The following MYH6 variants were observed in gnomAD, a reference collection of about 807,000 sequenced individuals.
MYH6 encodes myosin-6.
Under a neutral mutation model 223.2 loss-of-function variants are expected in MYH6, and 126 were observed. The observed-to-expected ratio is 0.56, with a 90% confidence interval of 0.49 to 0.65. The LOEUF (loss-of-function observed/expected upper bound fraction) is 0.65. Ranked by LOEUF, MYH6 falls within the 30% of genes least tolerant of loss-of-function variation. The pLI is 0.00. For synonymous variants in MYH6, 978 were observed against 1,010.2 expected (o/e 0.97, Z 0.61); for missense variants, 2,040 against 2,536.4 (o/e 0.80, Z 4.20).
chr14:23,392,600 G>A lies in MYH6; in HGVS notation c.3304C>T (p.Leu1102=), dbSNP rs749696006. The A allele has an allele frequency of 5.0e-6, 8 of 1,605,272 alleles. No individual in the cohort carries two copies. In the Admixed American group the frequency reaches 1.2e-4, roughly 24 times the overall value. The part of the protein sequence containing the change: ...QNSKIEDEQV[L]ALQLQKKLKE... ...AGTTTCTTCTGTAGTTGAAGGGCCA[G>A]CACCTGCTCATCCTCAATCTTACTG... The change falls in exon 25 of 39, where the codon CTG becomes TTG. Residue 1102 remains leucine, a synonymous_variant. Transcript: ENST00000405093.
At position 23,404,291 on chromosome 14, in the gene MYH6, C is replaced by G; in HGVS notation, c.735+5G>C. 6.2e-7 allele frequency: 1 copy of G among 1,614,246 alleles called. No individual in the cohort carries two copies. Among genetic ancestry groups the G allele is most frequent in the Non-Finnish European group, 8.5e-7 (1 of 1,180,034 alleles). On this transcript the variant is annotated splice_donor_5th_base_variant and intron_variant, in intron 8 of 38. Transcript: ENST00000405093. ...AGGCCACTGGGAGTGGTCAAAGGCA[C>G]TCACAAAGCGGGAGGAGTTGTCGTT...
chr14:23,403,877 G>A, intron 8 of MYH6, 99 bp from the exon 9 acceptor site: 4 of 1,070,086 alleles, frequency 3.7e-6, no homozygotes, highest in Non-Finnish European at 5.6e-6. Context: ...TTCTGGAAAT[G>A]TAAACGACCT....
Position 23,389,126 on chromosome 14 carries a change from T to C in MYH6, c.3979-71A>G, listed in dbSNP as rs1375622635. ...CCCCATTCTCTAGATTCTCTTCTTA[T>C]GTAGTACTTCAACCAAGCCCAGCCT... is the stretch of plus-strand genomic sequence containing the variant. On this transcript the variant is annotated intron_variant, in intron 28 of 38. Coordinates refer to ENST00000405093, the MANE Select transcript of MYH6 (RefSeq NM_002471.4). 2.0e-6 allele frequency: 3 copies of C among 1,496,652 alleles called. No homozygotes were observed. The Admixed American group carries it at 6.3e-5, about 31-fold the overall frequency. The allele number at this position is 1,496,652 out of a possible 1,614,324, so 92.7% of individuals were successfully genotyped here. A position where few individuals can be genotyped will look rare whatever the true frequency, so the allele number is the denominator to read the frequency against.
rs1891671562 is a variant in MYH6, at chr14:23,403,333, G to T, written c.898+15C>A. 1 of 1,606,138 alleles carries T rather than the reference G, an allele frequency of 6.2e-7. No homozygotes were observed. Among genetic ancestry groups the T allele is most frequent in the Non-Finnish European group, 8.5e-7 (1 of 1,172,886 alleles). On this transcript the variant is annotated intron_variant, in intron 10 of 38. Transcript: ENST00000405093. ...GCAGGGACAGCAGTGGGTGGGGGGT[G>T]GCAGGCAGGTTCACCCAGCAACTCC...
chr14:23,392,954 T>C lies in MYH6; in HGVS notation c.3209A>G (p.Asp1070Gly), dbSNP rs2138597363. 3 of 1,614,182 alleles carry C rather than the reference T, an allele frequency of 1.9e-6. No individual in the cohort carries two copies. Among genetic ancestry groups the C allele is most frequent in the Non-Finnish European group, 2.5e-6 (3 of 1,180,040 alleles). The change falls in exon 24 of 39, where the codon GAC (aspartate) becomes GGC (glycine). Residue 1070 changes from aspartate (D) to glycine (G), a missense_variant. Transcript: ENST00000405093. ...CAGCTGCAGTTTATCATTTTCCAGG[T>C]CCATGATGCTCTCCTGGGTCAGCTT... ...DLKLTQESIM[D>G]LENDKLQLEE... is the part of the protein sequence containing the mutation.
At chr14:23,389,978 A>T (rs1477743863) in intron 26 of MYH6, 79 bp downstream of exon 26, 4 of 1,611,838 alleles carry the variant, frequency 2.5e-6, no homozygotes, top group Non-Finnish European at 3.4e-6. Context: ...GACAAGGGAG[A>T]TGGCAGACAG....
chr14:23,393,625 T>C (rs758642293), intron 22 of MYH6, 41 bp downstream of exon 22: 20 of 1,614,070 alleles, frequency 1.2e-5, no homozygotes, highest in Non-Finnish European at 1.5e-5. Flanking sequence ...TCTGGGAGTC[T>C]TGAGGAGACC....
At chr14:23,400,214 A>G in intron 14 of MYH6, 42 bp downstream of exon 14, 1 of 1,613,944 alleles carries the variant, frequency 6.2e-7, no homozygotes, top group Non-Finnish European at 8.5e-7. Context: ...CTTTGTCTGG[A>G]TGGCAGAGGA....
chr14:23,396,472 AG>A (rs1179044785), intron 19 of MYH6, 52 bp from the exon 20 acceptor site: 2 of 1,606,344 alleles, frequency 1.2e-6, no homozygotes, highest in Non-Finnish European at 1.7e-6. Flanking sequence ...GGGAGTATCC[AG>A]GGTGGAAGAC....
chr14:23,382,009 G>A lies in MYH6; in HGVS notation c.*31C>T. On this transcript the variant is annotated 3_prime_UTR_variant, in exon 39 of 39. Coordinates refer to ENST00000405093, the MANE Select transcript of MYH6 (RefSeq NM_002471.4). ...GAGTTTGGCACTCATATTTATTACA[G>A]GTTGGCAAGAGTGAGGTTCCCGAGG... 2 of 1,614,170 alleles carry A rather than the reference G, an allele frequency of 1.2e-6. No individual in the cohort carries two copies. The highest frequency in any genetic ancestry group is 1.7e-6 in the Non-Finnish European group (2 of 1,180,012).
At position 23,405,866 on chromosome 14, in the gene MYH6, T is replaced by C; in HGVS notation, c.202-96A>G. 1 of 1,526,872 alleles carries C rather than the reference T, an allele frequency of 6.5e-7. No individual in the cohort carries two copies. The allele number at this position is 1,526,872 out of a possible 1,614,324, so 94.6% of individuals were successfully genotyped here. A position where few individuals can be genotyped will look rare whatever the true frequency, so the allele number is the denominator to read the frequency against. ...TGACCTCCTCCCAGGACACAGGGAC[T>C]TGGCCTTGCTCCCCTTGCTCTGACC... On this transcript the variant is annotated intron_variant, in intron 3 of 38. Coordinates refer to ENST00000405093, the MANE Select transcript of MYH6 (RefSeq NM_002471.4). This position sits in a 1 kb window ranked among gnomAD's most constrained non-coding sequence, Gnocchi z 4.7.
Position 23,384,728 on chromosome 14 carries a change from G to A in MYH6, c.5290-11C>T, listed in dbSNP as rs764779081. ...TGCCATCATGGCGGCCTGTGTGCAGGAGAGAGGTGGCAAGGAACATGGGCC... is the reference window on the plus strand; with the variant it reads ...TGCCATCATGGCGGCCTGTGTGCAGAAGAGAGGTGGCAAGGAACATGGGCC... On this transcript the variant is annotated splice_polypyrimidine_tract_variant and intron_variant, in intron 35 of 38. Transcript: ENST00000405093. The A allele has an allele frequency of 6.2e-7, 1 of 1,614,110 alleles. No homozygotes were observed. Among genetic ancestry groups the A allele is most frequent in the African/African-American group, 1.3e-5 (1 of 74,956 alleles).
intron 3 of MYH6, among the ~76,000 whole-genome samples, 156 bp downstream of exon 3, chr14:23,406,867 G>T (rs191845412): frequency 3.3e-5 from 5 of 152,252 alleles, no homozygotes; most frequent in African/African-American, 1.2e-4. Context: ...ATTTGAGAGG[G>T]ATCAGATTCT....
intron 24 of MYH6, 108 bp from the exon 25 acceptor site, chr14:23,392,760 C>G: frequency 1.4e-6 from 2 of 1,460,508 alleles, no homozygotes; most frequent in Admixed American, 1.7e-5. Context: ...CCCCTCCCCT[C>G]GCCAGCCCAG....
chr14:23,385,050 G>T lies in MYH6; in HGVS notation c.5164-9C>A. 1.2e-6 allele frequency: 2 copies of T among 1,614,028 alleles called. No individual in the cohort carries two copies. Among genetic ancestry groups the T allele is most frequent in the South Asian group, 2.2e-5 (2 of 91,078 alleles). ...TTGATGAGGCTGGTGTTCTAGACAT[G>T]GAGAGAGAAAAATGATCAAATATAT... On this transcript the variant is annotated splice_polypyrimidine_tract_variant and intron_variant, in intron 34 of 38. Coordinates refer to ENST00000405093, the MANE Select transcript of MYH6 (RefSeq NM_002471.4).
At position 23,383,339 on chromosome 14, in the gene MYH6, G is replaced by GGGGGGCCCCCC; in HGVS notation, c.5566-20_5566-19insGGGGGGCCCCC. The GGGGGGCCCCCC allele has an allele frequency of 2.8e-5, 3 of 108,170 alleles. No homozygotes were observed. Among genetic ancestry groups the GGGGGGCCCCCC allele is most frequent in the East Asian group, 2.3e-4 (1 of 4,410 alleles). 6.7% of individuals were successfully genotyped at this position (108,170 alleles called of 1,614,324 possible). ...CCTCTGTCTGGGGGTGGGAGGGTGG[G>GGGGGGCCCCCC]AGAAGCTGGTTTGGAGGGGGAGCAA... On this transcript the variant is annotated intron_variant, in intron 36 of 38. Transcript: ENST00000405093.
chr14:23,396,646 C>T, intron 19 of MYH6, 48 bp downstream of exon 19: 1 of 1,613,956 alleles, frequency 6.2e-7, no homozygotes, highest in Non-Finnish European at 8.5e-7. Flanking sequence ...CTGCTCCACT[C>T]AACATGGCCA....
At chr14:23,397,932 C>CTCCTCCTCCTCCTCTTCT (rs1891452078) in intron 15 of MYH6, among the ~76,000 whole-genome samples, 3 of 90,142 alleles carry the variant, frequency 3.3e-5, no homozygotes, top group African/African-American at 1.3e-4. Context: ...CCTCCTCCTC[C>CTCCTCCTCCTCCTCTTCT]TCTTCTTCTT....
At position 23,407,512 on chromosome 14, in the gene MYH6, A is replaced by G; in HGVS notation, c.-14+64T>C. The G allele has an allele frequency of 1.5e-6, 2 of 1,315,846 alleles. No individual in the cohort carries two copies. The highest frequency in any genetic ancestry group is 2.0e-6 in the Non-Finnish European group (2 of 1,021,680). 81.5% of individuals were successfully genotyped at this position (1,315,846 alleles called of 1,614,324 possible). ...GCTTGGGACAGCAGACCCCTGGTCC[A>G]GCAATCCGGCTCCCAGGAGAAGCAT... On this transcript the variant is annotated intron_variant, in intron 2 of 38. Transcript: ENST00000405093. This position sits in a 1 kb window ranked among gnomAD's most constrained non-coding sequence, Gnocchi z 5.6.
Sources: allele counts gnomAD v4.1 joint callset (sites outside exome capture counted in the v4.1 genomes callset), GRCh38; gene constraint gnomAD v4.1.1; non-coding constraint Gnocchi (gnomAD v3.1); transcripts MANE v1.5; gene names NCBI Gene and HGNC (gene_info 2026-07-23, HGNC 2026-07-21).